The following FYB1 variants were observed in gnomAD, a reference collection of about 807,000 sequenced individuals.
The protein encoded by FYB1 is FYN-binding protein 1.
In FYB1, 41 loss-of-function variants were observed where a neutral mutation model predicts 94.1. That is an observed-to-expected ratio of 0.44 (90% CI 0.34 to 0.57). The LOEUF is 0.57. FYB1 is among the 20% of genes least tolerant of loss of function. The pLI, the probability that FYB1 is intolerant of heterozygous loss-of-function variation, is 0.02. For missense variants in FYB1, 1,050 were observed against 976.8 expected, an observed-to-expected ratio of 1.07 and a Z score of -1.00; for synonymous variants, 367 against 353.2, an observed-to-expected ratio of 1.04 and a Z score of -0.44.
intron 1 of FYB1, among the ~76,000 whole-genome samples, chr5:39,273,064 G>A (rs891399451): frequency 6.6e-6 from 1 of 152,182 alleles, no homozygotes; most frequent in East Asian, 1.9e-4. Context: ...TCCGGGAGGT[G>A]GGGGGCGCTT....
At chr5:39,166,307 G>C (rs535295232) in intron 2 of FYB1, among the ~76,000 whole-genome samples, 1 of 152,000 alleles carries the variant, frequency 6.6e-6, no homozygotes, top group Non-Finnish European at 1.5e-5. Flanking sequence ...CTGGTGGCAG[G>C]TGCCTGTAAT....
At chr5:39,195,973 G>GA (rs35989734) in intron 2 of FYB1, among the ~76,000 whole-genome samples, 140,569 of 152,088 alleles carry the variant, frequency 0.92, 65,386 homozygotes, top group Non-Finnish European at 0.97. Flanking sequence ...TTCATGATCA[G>GA]AAAGCAACAT....
rs368893259 is a variant in FYB1 at position 39,231,162 on chromosome 5, CA to C, written c.-27-28176del. ...CAGCTCAGAGCAAAAAAAAAAAAAA[CA>C]AAAAAAAACAAAAAAAACAAAACAG... On this transcript the variant is annotated intron_variant, in intron 1 of 1. Coordinates refer to the FYB1 transcript ENST00000510188. 1.8e-3 allele frequency among the ~76,000 whole-genome samples: 240 copies of C among 134,468 alleles called. 13 individuals are homozygous for C. The highest frequency in any genetic ancestry group is 2.2e-3 in the Non-Finnish European group (141 of 64,932). 88.2% of individuals were successfully genotyped at this position (134,468 alleles called of 152,430 possible).
chr5:39,195,865 A>T (rs1174313614), intron 2 of FYB1, among the ~76,000 whole-genome samples: 1 of 152,212 alleles, frequency 6.6e-6, no homozygotes, highest in African/African-American at 2.4e-5. Context: ...AGCAAAGGAA[A>T]GGTTAGTTCA....
chr5:39,186,558 C>G lies in FYB1; in HGVS notation c.1135+15268G>C, dbSNP rs834248. ...GAAGAGACTGCATCTACAAGAGGAT[C>G]AAGTTGATGTGATAATGAAAATCTT... On this transcript the variant is annotated intron_variant, in intron 2 of 18. Coordinates refer to ENST00000512982, the MANE Select transcript of FYB1 (RefSeq NM_001465.6). 3.8e-3 allele frequency among the ~76,000 whole-genome samples: 571 copies of G among 148,798 alleles called. 4 individuals carry two copies. The highest frequency in any genetic ancestry group is 0.014 in the African/African-American group (557 of 40,406).
At chr5:39,230,320 C>G (rs1000875999) in intron 1 of FYB1, among the ~76,000 whole-genome samples, 1 of 152,090 alleles carries the variant, frequency 6.6e-6, no homozygotes, top group South Asian at 2.1e-4. Context: ...GGCTTTCAAG[C>G]TGAAATAAGG....
intron 1 of FYB1, among the ~76,000 whole-genome samples, chr5:39,236,901 A>G (rs1750989084): frequency 6.6e-6 from 1 of 152,150 alleles, no homozygotes; most frequent in African/African-American, 2.4e-5. Context: ...CACAAGGCCT[A>G]ACACGTAGCA....
chr5:39,188,440 C>A (rs1222523363), intron 2 of FYB1, among the ~76,000 whole-genome samples: 1 of 151,976 alleles, frequency 6.6e-6, no homozygotes, highest in African/African-American at 2.4e-5. Context: ...AGAAACCCTT[C>A]ATCTCCCCAC....
chr5:39,166,043 T>C (rs1198109213), intron 2 of FYB1, among the ~76,000 whole-genome samples: 1 of 152,210 alleles, frequency 6.6e-6, no homozygotes, highest in Non-Finnish European at 1.5e-5. Flanking sequence ...GTATATAAAT[T>C]AGTACAGCTT....
intron 2 of FYB1, among the ~76,000 whole-genome samples, chr5:39,191,432 T>A (rs1282966979): frequency 6.6e-6 from 1 of 152,220 alleles, no homozygotes; most frequent in African/African-American, 2.4e-5. Context: ...GATTCTACAA[T>A]GCAGGTTCTT....
chr5:39,222,486 C>G (rs1435073844), upstream of FYB1, among the ~76,000 whole-genome samples: 1 of 152,172 alleles, frequency 6.6e-6, no homozygotes, highest in Admixed American at 6.5e-5. Context: ...ATCTCTCAGC[C>G]TCTGTGTCCT....
At chr5:39,212,216 G>A (rs1446527923) in intron 1 of FYB1, among the ~76,000 whole-genome samples, 2 of 152,100 alleles carry the variant, frequency 1.3e-5, no homozygotes, top group South Asian at 2.1e-4. Flanking sequence ...GCTGGGGTGG[G>A]ATGATTGCTT....
Position 39,154,610 on chromosome 5 carries a change from G to A in FYB1, c.1136-1006C>T, listed in dbSNP as rs187994807. Among the ~76,000 whole-genome samples, 33 of 151,798 alleles carry A rather than the reference G, an allele frequency of 2.2e-4. No individual in the cohort carries two copies. In the East Asian group the frequency reaches 6.2e-3, roughly 29 times the overall value. On this transcript the variant is annotated intron_variant, in intron 2 of 18. Transcript: ENST00000512982. Reference sequence around the variant, plus strand: ...CAACCTCTGCCTCCCAGGTTCAAGTGATTCTCCTGCCTCAGCCTCCTGAGT... The same window carrying A: ...CAACCTCTGCCTCCCAGGTTCAAGTAATTCTCCTGCCTCAGCCTCCTGAGT...
chr5:39,130,403 G>A (rs569515108), intron 10 of FYB1, among the ~76,000 whole-genome samples, 187 bp downstream of exon 10: 14 of 152,202 alleles, frequency 9.2e-5, no homozygotes, highest in African/African-American at 3.1e-4. Context: ...AATATAGCCA[G>A]AAGTGAGAAC....
intron 3 of FYB1, among the ~76,000 whole-genome samples, chr5:39,151,867 A>C (rs983490529): frequency 6.6e-6 from 1 of 152,212 alleles, no homozygotes; most frequent in Non-Finnish European, 1.5e-5. Context: ...AGAAACACCT[A>C]TATCTTTCAC....
intron 1 of FYB1, among the ~76,000 whole-genome samples, chr5:39,268,856 C>T (rs1248321687): frequency 1.3e-5 from 2 of 151,728 alleles, no homozygotes; most frequent in Admixed American, 6.6e-5. Flanking sequence ...GGAGCCACCA[C>T]GCCCAGCCAT....
In FYB1 at chr5:39,202,285, G is replaced by T. The variant is rs1223050291; in HGVS notation, c.676C>A (p.Pro226Thr). Reference protein sequence around the residue: ...MKNVSSSKGSPAPLGVRSKSG... With the variant: ...MKNVSSSKGSTAPLGVRSKSG... ...TTGGACCTGACTCCCAGGGGAGCTG[G>T]GGACCCTTTTGATGAAGACACATTC... Residue 226 changes from proline (P) to threonine (T), a missense_variant, in exon 2 of 19, where the codon CCA (proline) becomes ACA (threonine). Pro to Thr is a conservative substitution (Grantham distance 38). Coordinates refer to ENST00000512982, the MANE Select transcript of FYB1 (RefSeq NM_001465.6). The T allele has an allele frequency of 1.2e-6, 2 of 1,613,726 alleles. No individual in the cohort carries two copies. Among genetic ancestry groups the T allele is most frequent in the African/African-American group, 2.7e-5 (2 of 74,852 alleles).
chr5:39,128,734 G>A (rs1481802198), intron 10 of FYB1, among the ~76,000 whole-genome samples: 3 of 152,064 alleles, frequency 2.0e-5, no homozygotes, highest in Non-Finnish European at 4.4e-5. Flanking sequence ...TCAAGCTAGT[G>A]TTCTTTCCAT....
intron 1 of FYB1, among the ~76,000 whole-genome samples, chr5:39,218,184 T>C (rs1750024164): frequency 6.6e-6 from 1 of 152,224 alleles, no homozygotes; most frequent in South Asian, 2.1e-4. Flanking sequence ...CTTTTTAGCC[T>C]TTCCTTTTTG....
Sources: allele counts gnomAD v4.1 joint callset (sites outside exome capture counted in the v4.1 genomes callset), GRCh38; gene constraint gnomAD v4.1.1; transcripts MANE v1.5; gene names NCBI Gene and HGNC (gene_info 2026-07-23, HGNC 2026-07-21).